SOCS6: variants seen among roughly 807,000 people sequenced by gnomAD.
The protein encoded by SOCS6 is STAT induced STAT inhibitor-4.
In SOCS6, 5 loss-of-function variants were observed where a neutral mutation model predicts 27.7. The ratio of observed to expected loss-of-function variants is 0.18; its 90% confidence interval spans 0.09 to 0.38. SOCS6 has a LOEUF of 0.38. SOCS6 is among the 10% of genes least tolerant of loss of function. The probability of loss-of-function intolerance (pLI) is 1.00; values close to 1 mark genes in which losing one functional copy is unlikely to be tolerated. For missense variants in SOCS6, 595 were observed against 688.1 expected, an observed-to-expected ratio of 0.86 and a Z score of 1.51; for synonymous variants, 271 against 260.0, an observed-to-expected ratio of 1.04 and a Z score of -0.41.
At chr18:70,305,896 GGT>G (rs951331958) in intron 1 of SOCS6, among the ~76,000 whole-genome samples, 7 of 151,376 alleles carry the variant, frequency 4.6e-5, no homozygotes, top group African/African-American at 1.2e-4. Flanking sequence ...GGTGTGTGGG[GGT>G]GTGTGTGTGT....
Position 70,310,873 on chromosome 18 carries a change from T to G in SOCS6, c.-126-13670T>G, listed in dbSNP as rs143892541. On this transcript the variant is annotated intron_variant, in intron 1 of 1. Coordinates refer to ENST00000397942, the MANE Select transcript of SOCS6 (RefSeq NM_004232.4). ...AGGGTTCAGCACTTGTATCCATTCC[T>G]TGGTAACTTCTTTTGTGACTTTGGG... Among the ~76,000 whole-genome samples the G allele has an allele frequency of 3.3e-5, 5 of 152,362 alleles. No homozygotes were observed. The East Asian group carries it at 9.6e-4, about 29-fold the overall frequency.
rs41465055 is a variant in SOCS6, at chr18:70,300,423, C to T, written c.-127+11333C>T. On this transcript the variant is annotated intron_variant, in intron 1 of 1. Transcript: ENST00000397942. ...GGATTACAGGTGTGAGCCACCGCGC[C>T]CAGCCTCATTAATCAATTCTTATAA... 2.6e-3 allele frequency among the ~76,000 whole-genome samples: 396 copies of T among 152,264 alleles called. 3 individuals are homozygous for T. Among genetic ancestry groups the T allele is most frequent in the African/African-American group, 9.2e-3 (384 of 41,560 alleles).
chr18:70,301,841 A>G (rs1429442101), intron 1 of SOCS6, among the ~76,000 whole-genome samples: 1 of 152,130 alleles, frequency 6.6e-6, no homozygotes, highest in African/African-American at 2.4e-5. Flanking sequence ...AGGTAAAATG[A>G]TATGAAAGGA....
chr18:70,317,554 TAC>T (rs369682234), intron 1 of SOCS6, among the ~76,000 whole-genome samples: 6,811 of 138,884 alleles, frequency 0.049, 256 homozygotes, highest in African/African-American at 0.096. Context: ...CATATATACA[TAC>T]ACACACACAC....
chr18:70,329,068 A>G lies in SOCS6; in HGVS notation c.*2792A>G, dbSNP rs887013355. The G allele has an allele frequency of 6.0e-6, 1 of 167,068 alleles. No individual in the cohort carries two copies. Among genetic ancestry groups the G allele is most frequent in the Non-Finnish European group, 1.5e-5 (1 of 68,106 alleles). The allele number at this position is 167,068 out of a possible 1,614,324, so 10.3% of individuals were successfully genotyped here. On this transcript the variant is annotated 3_prime_UTR_variant, in exon 2 of 2. Coordinates refer to ENST00000397942, the MANE Select transcript of SOCS6 (RefSeq NM_004232.4). ...TTTTCTATTAAATATTTCATCACGAAATATGATGGAGGCCAGAAGCTATTT... is the reference window on the plus strand; with the variant it reads ...TTTTCTATTAAATATTTCATCACGAGATATGATGGAGGCCAGAAGCTATTT...
At chr18:70,291,088 G>GC (rs111586854) in intron 1 of SOCS6, among the ~76,000 whole-genome samples, 1 of 152,048 alleles carries the variant, frequency 6.6e-6, no homozygotes, top group African/African-American at 2.4e-5. Context: ...TCTTTTAATG[G>GC]CCCCCCTTTT....
intron 1 of SOCS6, among the ~76,000 whole-genome samples, chr18:70,310,279 G>GT: frequency 8.1e-6 from 1 of 124,030 alleles, no homozygotes; most frequent in South Asian, 2.3e-4. Flanking sequence ...TTTCATAAAT[G>GT]GTTTTTTTTT....
Position 70,324,720 on chromosome 18 carries a change from A to G in SOCS6, c.52A>G (p.Ser18Gly), listed in dbSNP as rs142610203. 1 of 1,607,526 alleles carries G rather than the reference A, an allele frequency of 6.2e-7. No individual in the cohort carries two copies. The highest frequency in any genetic ancestry group is 8.5e-7 in the Non-Finnish European group (1 of 1,176,716). Residue 18 changes from serine (S) to glycine (G), a missense_variant, in exon 2 of 2, where the codon AGT becomes GGT. Transcript: ENST00000397942. ...TLRKSFNLNK[S>G]KEETDFMVVQ... ...ACGGAAATCTTTTAACTTGAATAAA[A>G]GTAAAGAAGAAACTGATTTCATGGT... is the stretch of plus-strand genomic sequence containing the variant.
At chr18:70,299,281 G>A (rs1001298559) in intron 1 of SOCS6, among the ~76,000 whole-genome samples, 36 of 152,220 alleles carry the variant, frequency 2.4e-4, no homozygotes, top group African/African-American at 8.7e-4. Flanking sequence ...TGACCGACTG[G>A]CTACAAATCA....
chr18:70,314,566 A>G (rs1169501835), intron 1 of SOCS6, among the ~76,000 whole-genome samples: 2 of 152,218 alleles, frequency 1.3e-5, no homozygotes, highest in Non-Finnish European at 2.9e-5. Context: ...AGGCTATACC[A>G]TAAAGCCTAG....
At chr18:70,315,225 G>A (rs1334917594) in intron 1 of SOCS6, among the ~76,000 whole-genome samples, 2 of 152,020 alleles carry the variant, frequency 1.3e-5, no homozygotes, top group East Asian at 3.9e-4. Flanking sequence ...AAATTTGGGA[G>A]CTTTCTGTTT....
chr18:70,310,468 GTTT>G (rs1306876861), intron 1 of SOCS6, among the ~76,000 whole-genome samples: 3 of 104,580 alleles, frequency 2.9e-5, no homozygotes, highest in Admixed American at 9.8e-5. Context: ...TTTTTGTGGG[GTTT>G]TTTTTTTTTT....
chr18:70,323,808 A>G lies in SOCS6; in HGVS notation c.-126-735A>G, dbSNP rs1911074682. Among the ~76,000 whole-genome samples the G allele has an allele frequency of 3.3e-5, 5 of 152,202 alleles. No individual in the cohort carries two copies. In the South Asian group the frequency reaches 1.0e-3, roughly 32 times the overall value. On this transcript the variant is annotated intron_variant, in intron 1 of 1. Coordinates refer to ENST00000397942, the MANE Select transcript of SOCS6 (RefSeq NM_004232.4). ...TGACTAGGCTTGTTATTGCAGTTCT[A>G]TGGAACGCCTTTACTGTCGTGCCAG...
At chr18:70,316,702 CT>C (rs60973064) in intron 1 of SOCS6, among the ~76,000 whole-genome samples, 1 of 151,602 alleles carries the variant, frequency 6.6e-6, no homozygotes, top group Non-Finnish European at 1.5e-5. Context: ...TTAGAGGACT[CT>C]TTTTTTTCTT....
At chr18:70,319,632 A>T (rs1172067605) in intron 1 of SOCS6, among the ~76,000 whole-genome samples, 1 of 140,474 alleles carries the variant, frequency 7.1e-6, no homozygotes, top group African/African-American at 2.6e-5. Flanking sequence ...AAAAAAAAAA[A>T]TTGGTTATAC....
chr18:70,325,334 G>C lies in SOCS6; in HGVS notation c.666G>C (p.Gln222His). The stretch of plus-strand genomic sequence containing the variant: ...GACTTATGCCTCAGGACTACATTCA[G>C]TATACTGTGCCTTTAGATGAGGGGA... ...VIGLMPQDYI[Q>H]YTVPLDEGMY... Residue 222 changes from glutamine to histidine, a missense_variant, in exon 2 of 2, where the codon CAG (glutamine) becomes CAC (histidine). Physicochemically the swap from Gln to His is conservative, Grantham distance 24 (BLOSUM62 0). This residue lies in a region of SOCS6 where 467 missense variants were observed against 481.1 expected (regional missense o/e 0.97). Coordinates refer to ENST00000397942, the MANE Select transcript of SOCS6 (RefSeq NM_004232.4). The surrounding 1 kb of genome is among the most constrained non-coding windows in gnomAD (Gnocchi z 6.3). 1 of 1,614,148 alleles carries C rather than the reference G, an allele frequency of 6.2e-7. No individual in the cohort carries two copies. The highest frequency in any genetic ancestry group is 8.5e-7 in the Non-Finnish European group (1 of 1,179,988).
intron 1 of SOCS6, among the ~76,000 whole-genome samples, chr18:70,292,799 C>T (rs1237280880): frequency 1.3e-5 from 2 of 152,348 alleles, no homozygotes; most frequent in Admixed American, 6.5e-5. Flanking sequence ...TAAGCTGCTT[C>T]CTGCTCCGCC....
Position 70,324,957 on chromosome 18 carries a change from A to G in SOCS6, c.289A>G (p.Ser97Gly). The G allele has an allele frequency of 1.2e-6, 2 of 1,614,168 alleles. No homozygotes were observed. The highest frequency in any genetic ancestry group is 1.7e-6 in the Non-Finnish European group (2 of 1,180,022). Reference protein sequence around the residue: ...SKGKAGTPSGSSADEDTFSSS... With the variant: ...SKGKAGTPSGGSADEDTFSSS... ...AGGCAAGGCGGGCACACCCTCTGGG[A>G]GCTCTGCCGACGAGGACACCTTCTC... Residue 97 changes from serine (S) to glycine (G), a missense_variant, in exon 2 of 2, where the codon AGC becomes GGC. By Grantham distance (56) the Ser-to-Gly change is moderately conservative. Around this residue, in one of 2 missense-constraint regions of SOCS6, gnomAD observed 467 missense variants for 481.1 expected, o/e 0.97. Coordinates refer to ENST00000397942, the MANE Select transcript of SOCS6 (RefSeq NM_004232.4).
intron 1 of SOCS6, among the ~76,000 whole-genome samples, chr18:70,309,297 C>T (rs2062381158): frequency 6.6e-6 from 1 of 151,998 alleles, no homozygotes; most frequent in Non-Finnish European, 1.5e-5. Context: ...GGATGATATG[C>T]TGAATTTTGC....
Sources: gnomAD v4.1 joint callset for allele counts (sites outside exome capture counted in the v4.1 genomes callset) on GRCh38, gnomAD v4.1.1 for gene constraint, gnomAD v4.1.1 regional missense constraint, Gnocchi (gnomAD v3.1) non-coding constraint, MANE v1.5 for transcripts, NCBI Gene and HGNC (gene_info 2026-07-23, HGNC 2026-07-21) for gene names.